Variants in USP40 observed in about 807,000 individuals in gnomAD.
USP40 encodes ubiquitin carboxyl-terminal hydrolase 40.
In USP40, 143 loss-of-function variants were observed where a neutral mutation model predicts 166.2. The observed-to-expected ratio is 0.86, with a 90% CI of 0.75 to 0.99. The LOEUF (loss-of-function observed/expected upper bound fraction) is 0.99. Ranked by LOEUF, USP40 falls within the 50% of genes least tolerant of loss-of-function variation. The probability of loss-of-function intolerance (pLI) is 0.00; values close to 1 mark genes in which losing one functional copy is unlikely to be tolerated. For synonymous variants in USP40, 498 were observed against 524.0 expected, an observed-to-expected ratio of 0.95 and a Z score of 0.68; for missense variants, 1,444 against 1,479.7, an observed-to-expected ratio of 0.98 and a Z score of 0.40.
chr2:233,477,236 G>T lies in USP40; in HGVS notation c.*156C>A. 2 of 713,428 alleles carry T rather than the reference G, an allele frequency of 2.8e-6. No homozygotes were observed. The highest frequency in any genetic ancestry group is 2.8e-5 in the East Asian group (1 of 36,160). 44.2% of individuals were successfully genotyped at this position (713,428 alleles called of 1,614,324 possible). ...GTGTTGCAGAGCTAAGTGACTACAT[G>T]CACTGGCCAGGCCTCAGAGGAGCCG... On this transcript the variant is annotated 3_prime_UTR_variant, in exon 32 of 32. Coordinates refer to ENST00000678225, the MANE Select transcript of USP40 (RefSeq NM_001365479.2).
chr2:233,565,477 A>C lies in USP40; in HGVS notation c.78T>G (p.Thr26=), dbSNP rs1377523229. 4 of 1,537,088 alleles carry C rather than the reference A, an allele frequency of 2.6e-6. No individual in the cohort carries two copies. In the African/African-American group the frequency reaches 5.5e-5, roughly 21 times the overall value. The change falls in exon 2 of 32, where the codon ACT becomes ACG. Residue 26 remains threonine, a synonymous_variant. Transcript: ENST00000678225. ...NQYGKGKKLK[T]KALEPPAPRE... is the part of the protein sequence containing the mutation. ...TAGGAGCAGGTGGCTCCAAAGCTTT[A>C]GTCTTTAATTTCTTCCCTTTTCCAT... is the stretch of plus-strand genomic sequence containing the variant.
Position 233,492,245 on chromosome 2 carries a change from T to C in USP40, c.2918-984A>G, listed in dbSNP as rs76001061. Among the ~76,000 whole-genome samples, 932 of 152,336 alleles carry C rather than the reference T, an allele frequency of 6.1e-3. 6 individuals carry two copies. Among genetic ancestry groups the C allele is most frequent in the African/African-American group, 0.021 (885 of 41,576 alleles). On this transcript the variant is annotated intron_variant, in intron 25 of 31. Coordinates refer to ENST00000678225, the MANE Select transcript of USP40 (RefSeq NM_001365479.2). Reference sequence around the variant, plus strand: ...AGCTGCTGTACAGGTCTGTAGCCTATGAGCAAGAGGCTACACCACATAGCC... The same window carrying C: ...AGCTGCTGTACAGGTCTGTAGCCTACGAGCAAGAGGCTACACCACATAGCC...
intron 11 of USP40, among the ~76,000 whole-genome samples, chr2:233,531,284 T>G (rs2068506372): frequency 6.6e-6 from 1 of 152,214 alleles, no homozygotes; most frequent in African/African-American, 2.4e-5. Context: ...AAATATGTTT[T>G]TACTGATACA....
At chr2:233,522,878 T>C (rs1295239080) in intron 16 of USP40, among the ~76,000 whole-genome samples, 1 of 152,224 alleles carries the variant, frequency 6.6e-6, no homozygotes, top group African/African-American at 2.4e-5. Context: ...CAGAATTCAC[T>C]TGATAACTTT....
Position 233,525,433 on chromosome 2 carries a change from T to C in USP40, c.1810+45A>G, listed in dbSNP as rs762328090. ...AAATCGCAGGTGAGCCGGACAAAAA[T>C]GTAGATATATAGAGTGAGTTGCTAT... On this transcript the variant is annotated intron_variant, in intron 14 of 31. Coordinates refer to ENST00000678225, the MANE Select transcript of USP40 (RefSeq NM_001365479.2). 8.1e-6 allele frequency: 12 copies of C among 1,473,874 alleles called. No individual in the cohort carries two copies. The South Asian group carries it at 1.3e-4, about 16-fold the overall frequency. The allele number at this position is 1,473,874 out of a possible 1,614,324, so 91.3% of individuals were successfully genotyped here.
At chr2:233,534,144 C>T (rs1242865067) in intron 10 of USP40, among the ~76,000 whole-genome samples, 8 of 152,224 alleles carry the variant, frequency 5.3e-5, no homozygotes, top group Non-Finnish European at 1.2e-4. Flanking sequence ...AAGGCAATCA[C>T]ACAGTGTACC....
At chr2:233,494,268 T>C (rs1224985613) in intron 24 of USP40, among the ~76,000 whole-genome samples, 1 of 144,950 alleles carries the variant, frequency 6.9e-6, no homozygotes, top group Admixed American at 6.8e-5. Context: ...AACAACAAAA[T>C]TCCATTTTTT....
intron 31 of USP40, among the ~76,000 whole-genome samples, chr2:233,477,985 C>G (rs2064282771): frequency 6.6e-6 from 1 of 152,252 alleles, no homozygotes; most frequent in African/African-American, 2.4e-5. Flanking sequence ...CGGCCCATGG[C>G]ACCGTGCGGC....
chr2:233,516,120 T>C (rs576011118), intron 18 of USP40, among the ~76,000 whole-genome samples: 17 of 152,298 alleles, frequency 1.1e-4, no homozygotes, highest in Non-Finnish European at 1.9e-4. Flanking sequence ...CTTTGCCCAC[T>C]GGCTGAAAAA....
chr2:233,512,569 C>T lies in USP40; in HGVS notation c.2437G>A (p.Val813Met). Residue 813 changes from valine to methionine, a missense_variant and splice_region_variant, in exon 19 of 32, where the codon GTG (valine) becomes ATG (methionine). Transcript: ENST00000678225. ...IDRNGKLLCP[V>M]PDSYTLKEAE... Reference sequence around the variant, plus strand: ...TTTGAAAGTTATCAAAAAGATTTACCTGGACAAAGAAGCTTCCCATTTCTA... The same window carrying T: ...TTTGAAAGTTATCAAAAAGATTTACTTGGACAAAGAAGCTTCCCATTTCTA... 2 of 1,578,654 alleles carry T rather than the reference C, an allele frequency of 1.3e-6. No individual in the cohort carries two copies. Among genetic ancestry groups the T allele is most frequent in the Non-Finnish European group, 1.7e-6 (2 of 1,163,642 alleles).
At chr2:233,490,298 G>T (rs1167472842) in intron 26 of USP40, among the ~76,000 whole-genome samples, 1 of 151,182 alleles carries the variant, frequency 6.6e-6, no homozygotes, top group Non-Finnish European at 1.5e-5. Context: ...GAGTAGCTGG[G>T]ATTACAGGTG....
chr2:233,523,562 T>A, intron 15 of USP40, 73 bp from the exon 16 acceptor site: 1 of 1,386,792 alleles, frequency 7.2e-7, no homozygotes, highest in Non-Finnish European at 9.8e-7. Context: ...TGGTAAAAGA[T>A]TACTCTTAGA....
Position 233,485,590 on chromosome 2 carries a change from G to T in USP40, c.3445C>A (p.Gln1149Lys). ...QITKRKKKKK[Q>K]DYLQGAPYYL... Reference sequence around the variant, plus strand: ...TACGGTGCCCCTTGCAAATAATCTTGTTTTTTTTTCTTTTTCCTCTTGGTT... The same window carrying T: ...TACGGTGCCCCTTGCAAATAATCTTTTTTTTTTTTCTTTTTCCTCTTGGTT... Residue 1149 changes from glutamine to lysine, a missense_variant, in exon 30 of 32, where the codon CAA (glutamine) becomes AAA (lysine). Transcript: ENST00000678225. The T allele has an allele frequency of 4.4e-6, 7 of 1,597,432 alleles. No homozygotes were observed. The highest frequency in any genetic ancestry group is 6.0e-6 in the Non-Finnish European group (7 of 1,168,314).
intron 23 of USP40, among the ~76,000 whole-genome samples, chr2:233,498,009 G>A (rs6704644): frequency 1.3e-5 from 2 of 152,144 alleles, no homozygotes; most frequent in Admixed American, 6.5e-5. Context: ...CTAAGGCTAC[G>A]CATTTGAACT....
chr2:233,529,556 T>C, intron 11 of USP40, 44 bp from the exon 12 acceptor site: 1 of 1,483,860 alleles, frequency 6.7e-7, no homozygotes, highest in South Asian at 1.2e-5. Flanking sequence ...CTAAATGAAA[T>C]CTGGTTGCTG....
chr2:233,513,205 T>C (rs143314678), intron 18 of USP40, among the ~76,000 whole-genome samples: 5 of 152,332 alleles, frequency 3.3e-5, no homozygotes, highest in African/African-American at 9.6e-5. Context: ...CTTTCTAAGT[T>C]TGGATCAGCT....
intron 23 of USP40, among the ~76,000 whole-genome samples, chr2:233,497,243 A>G (rs2065802876): frequency 6.6e-6 from 1 of 152,212 alleles, no homozygotes; most frequent in Admixed American, 6.5e-5. Flanking sequence ...CTAAAGCCAC[A>G]CTGATTCGAG....
intron 27 of USP40, among the ~76,000 whole-genome samples, chr2:233,488,768 T>C: frequency 6.6e-6 from 1 of 152,060 alleles, no homozygotes; most frequent in East Asian, 1.9e-4. Flanking sequence ...TAGCCTGGTG[T>C]CGTGGCACAT....
intron 23 of USP40, among the ~76,000 whole-genome samples, chr2:233,497,147 GA>G (rs1436406823): frequency 6.6e-6 from 1 of 152,194 alleles, no homozygotes; most frequent in Non-Finnish European, 1.5e-5. Flanking sequence ...GAAAGCTAGA[GA>G]AAATAACAGA....
Sources: gnomAD v4.1 joint callset for allele counts (sites outside exome capture counted in the v4.1 genomes callset) on GRCh38, gnomAD v4.1.1 for gene constraint, MANE v1.5 for transcripts, NCBI Gene and HGNC (gene_info 2026-07-23, HGNC 2026-07-21) for gene names.